NRG3: variants seen among roughly 807,000 people sequenced by gnomAD.
NRG3 encodes the protein pro-neuregulin-3, membrane-bound isoform.
Under a neutral mutation model 66.9 loss-of-function variants are expected in NRG3, and 31 were observed. The observed-to-expected ratio is 0.46, with a 90% confidence interval of 0.35 to 0.63. The LOEUF (loss-of-function observed/expected upper bound fraction) is 0.63. Ranked by LOEUF, NRG3 falls within the 20% of genes least tolerant of loss-of-function variation. The pLI, the probability that NRG3 is intolerant of heterozygous loss-of-function variation, is 0.00. For synonymous variants in NRG3, 393 were observed against 359.4 expected (o/e 1.09, Z -1.06); for missense variants, 910 against 878.9 (o/e 1.04, Z -0.45).
intron 1 of NRG3, among the ~76,000 whole-genome samples, chr10:82,253,899 C>T (rs2077594185): frequency 6.6e-6 from 1 of 152,188 alleles, no homozygotes. Flanking sequence ...CTTGAACATG[C>T]CAAGCTTCTT....
At chr10:81,883,727 A>G (rs1564630991) in intron 1 of NRG3, among the ~76,000 whole-genome samples, 1 of 152,180 alleles carries the variant, frequency 6.6e-6, no homozygotes, top group Non-Finnish European at 1.5e-5. Context: ...TCCTATGACT[A>G]CATGCAACCT....
At chr10:82,646,645 G>A (rs374243075) in intron 2 of NRG3, among the ~76,000 whole-genome samples, 2 of 152,146 alleles carry the variant, frequency 1.3e-5, no homozygotes, top group East Asian at 1.9e-4. Context: ...TATTACAATA[G>A]GGAAGAGAGT....
Position 82,577,481 on chromosome 10 carries a change from A to G in NRG3, c.954-161096A>G, listed in dbSNP as rs1298693818. Among the ~76,000 whole-genome samples the G allele has an allele frequency of 4.0e-5, 6 of 151,880 alleles. 2 individuals are homozygous for G. The South Asian group carries it at 1.0e-3, about 26-fold the overall frequency. On this transcript the variant is annotated intron_variant, in intron 2 of 8. Transcript: ENST00000372141. The stretch of plus-strand genomic sequence containing the variant: ...ATATATATCTAGCAGGAGAATTTAG[A>G]CAAATTCTATACAATTAAAAGTAAA...
At chr10:82,109,482 A>G (rs2067249169) in intron 1 of NRG3, among the ~76,000 whole-genome samples, 1 of 151,914 alleles carries the variant, frequency 6.6e-6, no homozygotes, top group Non-Finnish European at 1.5e-5. Flanking sequence ...AAAGATTCCA[A>G]GGTTTATAGA....
intron 3 of NRG3, among the ~76,000 whole-genome samples, chr10:82,825,250 G>A (rs1210001577): frequency 6.6e-6 from 1 of 152,042 alleles, no homozygotes; most frequent in Non-Finnish European, 1.5e-5. Context: ...CCTAACCCAA[G>A]GTCATGAAGA....
intron 2 of NRG3, among the ~76,000 whole-genome samples, chr10:82,655,479 C>A (rs560119257): frequency 1.3e-5 from 2 of 152,064 alleles, no homozygotes; most frequent in African/African-American, 4.8e-5. Flanking sequence ...CATAATTAGA[C>A]ATGAATTTTC....
At chr10:82,198,415 GA>G (rs2074564651) in intron 1 of NRG3, among the ~76,000 whole-genome samples, 1 of 152,138 alleles carries the variant, frequency 6.6e-6, no homozygotes, top group Admixed American at 6.5e-5. Context: ...TTATTTGTAG[GA>G]AAGAAGATAA....
chr10:82,815,851 A>C (rs1591610872), intron 3 of NRG3, among the ~76,000 whole-genome samples: 1 of 152,276 alleles, frequency 6.6e-6, no homozygotes. Context: ...GTGTGTGGGC[A>C]AGCAAGCACG....
chr10:82,931,510 T>C (rs1291572164), intron 4 of NRG3, among the ~76,000 whole-genome samples: 3 of 152,168 alleles, frequency 2.0e-5, no homozygotes, highest in Non-Finnish European at 4.4e-5. Context: ...TCAGAGTACC[T>C]GCCACAGAAT....
chr10:82,392,452 A>C (rs1466406953), intron 2 of NRG3, among the ~76,000 whole-genome samples: 2 of 152,194 alleles, frequency 1.3e-5, no homozygotes, highest in Non-Finnish European at 2.9e-5. Flanking sequence ...GCCAAAAGGT[A>C]CATTAGGTTA....
chr10:82,370,874 C>T (rs7087580), intron 2 of NRG3, among the ~76,000 whole-genome samples: 18,596 of 151,836 alleles, frequency 0.12, 2,047 homozygotes, highest in African/African-American at 0.28. Flanking sequence ...TTTTTTAATG[C>T]TCACAGCGAT....
intron 1 of NRG3, among the ~76,000 whole-genome samples, chr10:82,139,500 C>T (rs1012089628): frequency 6.6e-6 from 1 of 152,146 alleles, no homozygotes; most frequent in Non-Finnish European, 1.5e-5. Context: ...TTTAATTGTA[C>T]TGAACTGACT....
At chr10:82,455,764 A>G (rs899310606) in intron 2 of NRG3, among the ~76,000 whole-genome samples, 1 of 151,698 alleles carries the variant, frequency 6.6e-6, no homozygotes, top group African/African-American at 2.4e-5. Flanking sequence ...ACAGGTGCCC[A>G]CCACCATGCC....
At chr10:82,787,125 G>A (rs1183268126) in intron 3 of NRG3, among the ~76,000 whole-genome samples, 2 of 151,436 alleles carry the variant, frequency 1.3e-5, no homozygotes, top group South Asian at 2.1e-4. Context: ...CCTATGTCTT[G>A]TATTGTTTCT....
chr10:82,892,140 A>G (rs1442370923), intron 4 of NRG3, among the ~76,000 whole-genome samples: 1 of 152,142 alleles, frequency 6.6e-6, no homozygotes, highest in African/African-American at 2.4e-5. Flanking sequence ...AAATATTGCT[A>G]GATATAAGAG....
At chr10:82,615,396 T>C (rs1228434950) in intron 2 of NRG3, among the ~76,000 whole-genome samples, 1 of 152,192 alleles carries the variant, frequency 6.6e-6, no homozygotes, top group Non-Finnish European at 1.5e-5. Context: ...TATTTTTTCA[T>C]TGTTAATGGT....
chr10:82,736,058 G>A (rs375689241), intron 2 of NRG3, among the ~76,000 whole-genome samples: 1 of 151,868 alleles, frequency 6.6e-6, no homozygotes, highest in Non-Finnish European at 1.5e-5. Context: ...GAACAGAAAG[G>A]CATTTCTATT....
intron 3 of NRG3, among the ~76,000 whole-genome samples, chr10:82,845,577 A>G (rs753108237): frequency 2.0e-5 from 3 of 152,220 alleles, no homozygotes; most frequent in Non-Finnish European, 4.4e-5. Context: ...TATAGGAGAA[A>G]GACAGAAGTT....
intron 2 of NRG3, among the ~76,000 whole-genome samples, chr10:82,734,262 G>T (rs1029291074): frequency 4.6e-5 from 7 of 152,110 alleles, no homozygotes; most frequent in Admixed American, 3.9e-4. Context: ...TGATAGAAGG[G>T]GGTGCTTTTT....
Sources: allele counts gnomAD v4.1 joint callset (sites outside exome capture counted in the v4.1 genomes callset), GRCh38; gene constraint gnomAD v4.1.1; transcripts MANE v1.5; gene names NCBI Gene and HGNC (gene_info 2026-07-23, HGNC 2026-07-21).